The following SNTB1 variants were observed in gnomAD, a reference collection of about 807,000 sequenced individuals.
SNTB1 encodes the protein beta-1-syntrophin.
Under a neutral mutation model 48.9 loss-of-function variants are expected in SNTB1, and 36 were observed. The ratio of observed to expected loss-of-function variants is 0.74; its 90% CI spans 0.56 to 0.97. The LOEUF is 0.97. Among genes scored for constraint, SNTB1 ranks in the 50% least tolerant of loss-of-function variants. SNTB1 has a pLI of 0.00. For missense variants in SNTB1, 786 were observed against 703.4 expected (o/e 1.12, Z -1.33); for synonymous variants, 299 against 294.6 (o/e 1.01, Z -0.15).
rs187012330 is a variant in SNTB1, at chr8:120,659,909, T to G, written c.789-27258A>C. On this transcript the variant is annotated intron_variant, in intron 2 of 6. Coordinates refer to ENST00000517992, the MANE Select transcript of SNTB1 (RefSeq NM_021021.4). The stretch of plus-strand genomic sequence containing the variant: ...TCTCCTTGTATATCTCCATCATAGC[T>G]CTTGGGTGACCAGTTACAGTGTCAA... Among the ~76,000 whole-genome samples the G allele has an allele frequency of 2.8e-3, 423 of 152,326 alleles. 10 individuals are homozygous for G. The highest frequency in any genetic ancestry group is 0.026 in the Admixed American group (398 of 15,302).
chr8:120,792,265 C>T (rs1161226841), intron 1 of SNTB1, among the ~76,000 whole-genome samples: 3 of 139,374 alleles, frequency 2.2e-5, no homozygotes, highest in Middle Eastern at 4.2e-3. Context: ...AAACTAAATA[C>T]TGTATGTTCT....
chr8:120,558,422 G>A (rs1004763840), intron 4 of SNTB1, among the ~76,000 whole-genome samples: 1 of 152,174 alleles, frequency 6.6e-6, no homozygotes, highest in Non-Finnish European at 1.5e-5. Context: ...ATCTGAAACT[G>A]CTTGAGAAAC....
At chr8:120,670,341 T>G (rs1222876113) in intron 2 of SNTB1, among the ~76,000 whole-genome samples, 22 of 152,218 alleles carry the variant, frequency 1.4e-4, no homozygotes, top group Admixed American at 1.4e-3. Flanking sequence ...ATTCTGTCAC[T>G]TAATACCTTC....
intron 1 of SNTB1, among the ~76,000 whole-genome samples, chr8:120,798,432 TACTTG>T (rs1820158664): frequency 6.6e-6 from 1 of 152,048 alleles, no homozygotes; most frequent in African/African-American, 2.4e-5. Flanking sequence ...AAGATAATGC[TACTTG>T]CACCAAGTGA....
chr8:120,596,524 A>G (rs185886637), intron 3 of SNTB1, among the ~76,000 whole-genome samples: 1 of 150,628 alleles, frequency 6.6e-6, no homozygotes, highest in African/African-American at 2.4e-5. Context: ...AGATGTCAGC[A>G]TGGCTGTGCT....
intron 3 of SNTB1, among the ~76,000 whole-genome samples, chr8:120,607,897 G>A (rs111338885): frequency 0.019 from 2,952 of 152,318 alleles, 104 homozygotes; most frequent in African/African-American, 0.067. Flanking sequence ...TGCACAGTTC[G>A]TGAAAGGATG....
intron 2 of SNTB1, among the ~76,000 whole-genome samples, chr8:120,641,346 T>C (rs1817193229): frequency 6.6e-6 from 1 of 152,226 alleles, no homozygotes; most frequent in African/African-American, 2.4e-5. Flanking sequence ...CAATATCTAT[T>C]ATTCTAGGAA....
At chr8:120,572,744 A>AAAAC (rs71306896) in intron 4 of SNTB1, among the ~76,000 whole-genome samples, 36,287 of 150,994 alleles carry the variant, frequency 0.24, 4,508 homozygotes, top group South Asian at 0.27. Context: ...CAAAACGAAC[A>AAAAC]AAACAAACAA....
At chr8:120,761,812 T>C (rs1037821508) in intron 1 of SNTB1, among the ~76,000 whole-genome samples, 4 of 152,186 alleles carry the variant, frequency 2.6e-5, no homozygotes, top group African/African-American at 9.7e-5. Context: ...TGAATAGATA[T>C]AGGATACTTG....
At chr8:120,682,609 T>A (rs1233362477) in intron 2 of SNTB1, among the ~76,000 whole-genome samples, 1 of 152,190 alleles carries the variant, frequency 6.6e-6, no homozygotes, top group Non-Finnish European at 1.5e-5. Context: ...AAGGCTAACA[T>A]CACCTCTTTT....
intron 1 of SNTB1, among the ~76,000 whole-genome samples, chr8:120,784,245 C>T (rs1446466085): frequency 1.3e-5 from 2 of 152,116 alleles, no homozygotes; most frequent in Non-Finnish European, 2.9e-5. Flanking sequence ...CCGCCTGCCT[C>T]GGCCTCCCAA....
intron 4 of SNTB1, chr8:120,571,118 C>G: frequency 1.2e-6 from 1 of 868,672 alleles, no homozygotes; most frequent in Non-Finnish European, 1.5e-6. Context: ...AAAAAGCAGT[C>G]CCCATTGTTC....
chr8:120,669,173 A>G (rs1817720287), intron 2 of SNTB1, among the ~76,000 whole-genome samples: 1 of 152,224 alleles, frequency 6.6e-6, no homozygotes, highest in Admixed American at 6.5e-5. Context: ...TCTGAGCCAG[A>G]GTGGGCGCTA....
chr8:120,790,069 G>A (rs1301080941), intron 1 of SNTB1, among the ~76,000 whole-genome samples: 2 of 151,926 alleles, frequency 1.3e-5, no homozygotes, highest in African/African-American at 4.8e-5. Flanking sequence ...TTCCAGGGAT[G>A]GAGGCCTGTT....
intron 3 of SNTB1, among the ~76,000 whole-genome samples, chr8:120,602,440 C>T (rs905852198): frequency 7.9e-5 from 12 of 152,194 alleles, no homozygotes; most frequent in African/African-American, 2.9e-4. Flanking sequence ...GGTGTGTGGG[C>T]CTTGTCCAAT....
intron 1 of SNTB1, among the ~76,000 whole-genome samples, chr8:120,783,396 G>A (rs925627899): frequency 1.8e-4 from 27 of 152,086 alleles, no homozygotes; most frequent in African/African-American, 6.3e-4. Flanking sequence ...TGTAGAATAT[G>A]CACTGAATAT....
chr8:120,722,712 A>G (rs1239789170), intron 1 of SNTB1, among the ~76,000 whole-genome samples: 1 of 152,122 alleles, frequency 6.6e-6, no homozygotes, highest in Non-Finnish European at 1.5e-5. Flanking sequence ...CTCTGACAGT[A>G]GTTTCTTTTG....
intron 3 of SNTB1, among the ~76,000 whole-genome samples, chr8:120,609,275 G>T (rs1347350601): frequency 1.4e-4 from 21 of 152,216 alleles, no homozygotes; most frequent in Admixed American, 1.4e-3. Flanking sequence ...AAAGAGTTCA[G>T]TGTGGAATTG....
At chr8:120,724,825 G>A (rs1231590730) in intron 1 of SNTB1, among the ~76,000 whole-genome samples, 1 of 152,134 alleles carries the variant, frequency 6.6e-6, no homozygotes, top group East Asian at 1.9e-4. Flanking sequence ...TGACTTAGAG[G>A]GGCCATGGAA....
Sources: allele counts gnomAD v4.1 joint callset (sites outside exome capture counted in the v4.1 genomes callset), GRCh38; gene constraint gnomAD v4.1.1; transcripts MANE v1.5; gene names NCBI Gene and HGNC (gene_info 2026-07-23, HGNC 2026-07-21).